Variants in LPIN1 observed in about 807,000 individuals in gnomAD.
The protein encoded by LPIN1 is phosphatidate phosphatase LPIN1.
A neutral mutation model predicts 107.5 loss-of-function variants in LPIN1; 71 were observed. The observed-to-expected ratio is 0.66, with a 90% CI of 0.55 to 0.80. The LOEUF (loss-of-function observed/expected upper bound fraction) is 0.80, where lower values mean the gene tolerates loss of function less well. Ranked by LOEUF, LPIN1 falls within the 30% of genes least tolerant of loss-of-function variation. The probability of loss-of-function intolerance (pLI) is 0.00; values close to 1 mark genes in which losing one functional copy is unlikely to be tolerated. For synonymous variants in LPIN1, 445 were observed against 452.6 expected, an observed-to-expected ratio of 0.98 and a Z score of 0.21; for missense variants, 1,043 against 1,160.6, an observed-to-expected ratio of 0.90 and a Z score of 1.47.
chr2:11,736,599 A>G (rs1307296007), intron 1 of LPIN1, among the ~76,000 whole-genome samples: 10 of 152,240 alleles, frequency 6.6e-5, no homozygotes, highest in African/African-American at 2.4e-4. Flanking sequence ...TAGCAGATGC[A>G]TTTCTCAGTT....
chr2:11,746,963 C>G (rs1020146429), intron 1 of LPIN1, among the ~76,000 whole-genome samples: 1 of 152,212 alleles, frequency 6.6e-6, no homozygotes, highest in Non-Finnish European at 1.5e-5. Flanking sequence ...CTTGGCTGAT[C>G]TCGAGCGGCG....
At chr2:11,808,154 C>T (rs1004996276) in intron 17 of LPIN1, among the ~76,000 whole-genome samples, 2 of 152,186 alleles carry the variant, frequency 1.3e-5, no homozygotes, top group Admixed American at 6.5e-5. Flanking sequence ...GTCTCTTCCC[C>T]GTCCCCGGAC....
Position 11,815,170 on chromosome 2 carries a change from G to A in LPIN1, c.2332G>A (p.Glu778Lys), listed in dbSNP as rs371993612. ...GCGGGGCTACCTGCACTGGGTCAAC[G>A]AGAGGGGCACGGTGCTGCCCCAGGG... ...MTRGYLHWVN[E>K]RGTVLPQGPL... is the part of the protein sequence containing the mutation. The change falls in exon 18 of 21, where the codon GAG (glutamate) becomes AAG (lysine). Residue 778 changes from glutamate (E) to lysine (K), a missense_variant. Coordinates refer to ENST00000674199, the MANE Select transcript of LPIN1 (RefSeq NM_001349206.2). 64 of 1,614,060 alleles carry A rather than the reference G, an allele frequency of 4.0e-5. No homozygotes were observed. Among genetic ancestry groups the A allele is most frequent in the Non-Finnish European group, 4.7e-5 (56 of 1,180,028 alleles).
At position 11,803,175 on chromosome 2, in the gene LPIN1, G is replaced by T. The variant is rs936127995; in HGVS notation, c.2013+142G>T. ...CCTGCAATCCCTCAACTGGGTACCC[G>T]CTGTTTCCACCCCAACTCCAGCACT... On this transcript the variant is annotated intron_variant, in intron 15 of 20. Coordinates refer to ENST00000674199, the MANE Select transcript of LPIN1 (RefSeq NM_001349206.2). The surrounding 1 kb of genome is among the most constrained non-coding windows in gnomAD (Gnocchi z 4.2). 1 of 1,138,692 alleles carries T rather than the reference G, an allele frequency of 8.8e-7. No individual in the cohort carries two copies. The highest frequency in any genetic ancestry group is 1.3e-6 in the Non-Finnish European group (1 of 769,878). 70.5% of individuals were successfully genotyped at this position (1,138,692 alleles called of 1,614,324 possible).
rs1001065126 is a variant in LPIN1 at position 11,825,927 on chromosome 2, C to A, written c.*1136C>A. 9.9e-5 allele frequency: 15 copies of A among 152,162 alleles called. No homozygotes were observed. The highest frequency in any genetic ancestry group is 3.4e-4 in the African/African-American group (14 of 41,442). The allele number at this position is 152,162 out of a possible 1,614,324, so 9.4% of individuals were successfully genotyped here. ...TTATTCTCTCTTTCTCATAGACTGA[C>A]CTTCTTTTGGAATTTCTGAGTCATT... is the stretch of plus-strand genomic sequence containing the variant. On this transcript the variant is annotated 3_prime_UTR_variant, in exon 21 of 21. Transcript: ENST00000674199. This position sits in a 1 kb window ranked among gnomAD's most constrained non-coding sequence, Gnocchi z 4.1.
chr2:11,808,832 T>C (rs1191216151), intron 17 of LPIN1, among the ~76,000 whole-genome samples: 1 of 149,242 alleles, frequency 6.7e-6, no homozygotes, highest in African/African-American at 2.5e-5. Flanking sequence ...GATCGCACCA[T>C]TGCACTCCAG....
intron 14 of LPIN1, among the ~76,000 whole-genome samples, chr2:11,801,560 A>C (rs540942468): frequency 5.3e-5 from 8 of 152,180 alleles, no homozygotes; most frequent in Non-Finnish European, 1.0e-4. Flanking sequence ...TATTGATTTC[A>C]TGGAGGTAGA....
intron 20 of LPIN1, among the ~76,000 whole-genome samples, chr2:11,821,927 C>T (rs1681591105): frequency 6.6e-6 from 1 of 152,218 alleles, no homozygotes; most frequent in African/African-American, 2.4e-5. Flanking sequence ...AGAAAAACAG[C>T]AGGAACTTGA....
upstream of LPIN1, among the ~76,000 whole-genome samples, chr2:11,746,362 A>G (rs1030392025): frequency 2.6e-5 from 4 of 152,306 alleles, no homozygotes; most frequent in Admixed American, 2.6e-4. Context: ...TCATCGGCAT[A>G]GGTCAAGTCA....
upstream of LPIN1, among the ~76,000 whole-genome samples, chr2:11,741,796 T>C (rs145304579): frequency 4.0e-5 from 6 of 151,870 alleles, 1 homozygote; most frequent in African/African-American, 1.2e-4. Context: ...GGCGACAGAG[T>C]GAGACTCCAT....
At position 11,820,289 on chromosome 2, in the gene LPIN1, CT is replaced by C. The variant is rs1374111837; in HGVS notation, c.2518-119del. On this transcript the variant is annotated intron_variant, in intron 19 of 20. Coordinates refer to ENST00000674199, the MANE Select transcript of LPIN1 (RefSeq NM_001349206.2). ...CAAAGGATATTCTTTCACTGCACCA[CT>C]TTGAGGTAGAGCTCTGGTTAATGAA... is the stretch of plus-strand genomic sequence containing the variant. The C allele has an allele frequency of 4.2e-6, 3 of 707,896 alleles. No individual in the cohort carries two copies. The East Asian group carries it at 8.1e-5, about 19-fold the overall frequency. The allele number at this position is 707,896 out of a possible 1,614,324, so 43.9% of individuals were successfully genotyped here.
At chr2:11,808,852 CAG>C (rs1679163110) in intron 17 of LPIN1, among the ~76,000 whole-genome samples, 1 of 139,036 alleles carries the variant, frequency 7.2e-6, no homozygotes, top group South Asian at 2.2e-4. Flanking sequence ...GCCTGGGTGA[CAG>C]AGTGAGACAC....
chr2:11,824,547 G>T, intron 20 of LPIN1, 85 bp from the exon 21 acceptor site: 3 of 1,393,596 alleles, frequency 2.2e-6, no homozygotes, highest in Non-Finnish European at 3.1e-6. Flanking sequence ...CCTTGAGGTT[G>T]TAGATCTCTC....
chr2:11,788,525 A>T (rs920322434), intron 12 of LPIN1, 69 bp downstream of exon 12: 25 of 1,221,106 alleles, frequency 2.0e-5, no homozygotes, highest in Non-Finnish European at 2.7e-5. Context: ...GGGTGGTTGG[A>T]ATTTCACTTT....
chr2:11,758,900 C>T (rs1228522642), intron 1 of LPIN1, among the ~76,000 whole-genome samples: 16 of 152,194 alleles, frequency 1.1e-4, no homozygotes. Context: ...GTTGGAACAA[C>T]AACTAAGGAT....
In LPIN1 at chr2:11,826,059, G is replaced by T. The variant is rs1010355087; in HGVS notation, c.*1268G>T. 6.6e-6 allele frequency: 1 copy of T among 152,552 alleles called. No homozygotes were observed. Among genetic ancestry groups the T allele is most frequent in the Non-Finnish European group, 1.5e-5 (1 of 68,046 alleles). The allele number at this position is 152,552 out of a possible 1,614,324, so 9.4% of individuals were successfully genotyped here. On this transcript the variant is annotated 3_prime_UTR_variant, in exon 21 of 21. Coordinates refer to ENST00000674199, the MANE Select transcript of LPIN1 (RefSeq NM_001349206.2). ...ATTCTTTCACTTGTTTATTACACTG[G>T]CTCGTGGACAGAACAATTTGAAAAG...
At chr2:11,767,573 G>T (rs758225523) in intron 2 of LPIN1, 190 bp from the exon 3 acceptor site, 2 of 627,048 alleles carry the variant, frequency 3.2e-6, no homozygotes, top group Non-Finnish European at 5.8e-6. Flanking sequence ...CTGCCCTCCC[G>T]AACCCAGAAC....
chr2:11,714,222 C>T (rs762369952), intron 2 of LPIN1, among the ~76,000 whole-genome samples: 10 of 152,248 alleles, frequency 6.6e-5, no homozygotes, highest in African/African-American at 1.7e-4. Context: ...CCTTGCCTCA[C>T]GCCCTGAGCC....
chr2:11,824,839 C>T lies in LPIN1; in HGVS notation c.*48C>T, dbSNP rs778473869. On this transcript the variant is annotated 3_prime_UTR_variant, in exon 21 of 21. Transcript: ENST00000674199. ...CAGCAGTGCAGAGCCTGGTTGTCAC[C>T]CATTAAAGGATAGGTCTCCCCGGAG... is the stretch of plus-strand genomic sequence containing the variant. 1.2e-6 allele frequency: 2 copies of T among 1,609,828 alleles called. No individual in the cohort carries two copies. The highest frequency in any genetic ancestry group is 1.7e-5 in the Admixed American group (1 of 59,982).
Sources: allele counts gnomAD v4.1 joint callset (sites outside exome capture counted in the v4.1 genomes callset), GRCh38; gene constraint gnomAD v4.1.1; non-coding constraint Gnocchi (gnomAD v3.1); transcripts MANE v1.5; gene names NCBI Gene and HGNC (gene_info 2026-07-23, HGNC 2026-07-21).